The following PTPRN2 variants were observed in gnomAD, a reference collection of about 807,000 sequenced individuals.
The protein encoded by PTPRN2 is protein tyrosine phosphatase receptor type N2, also known as receptor-type tyrosine-protein phosphatase N2.
A neutral mutation model predicts 118.8 loss-of-function variants in PTPRN2; 74 were observed. The observed-to-expected ratio is 0.62, with a 90% confidence interval of 0.52 to 0.76. PTPRN2 has a LOEUF of 0.76. Among genes scored for constraint, PTPRN2 ranks in the 30% least tolerant of loss-of-function variants. The pLI, the probability that PTPRN2 is intolerant of heterozygous loss-of-function variation, is 0.00. For synonymous variants in PTPRN2, 641 were observed against 608.0 expected (o/e 1.05, Z -0.80); for missense variants, 1,481 against 1,394.4 (o/e 1.06, Z -0.99).
intron 14 of PTPRN2, among the ~76,000 whole-genome samples, chr7:157,626,261 G>C (rs1246619225): frequency 6.6e-6 from 1 of 152,086 alleles, no homozygotes; most frequent in Admixed American, 6.6e-5. Flanking sequence ...GGCGTTTCTG[G>C]TGCAAAATAT....
At chr7:158,293,098 A>T (rs1434508304) in intron 3 of PTPRN2, among the ~76,000 whole-genome samples, 1 of 152,098 alleles carries the variant, frequency 6.6e-6, no homozygotes, top group Non-Finnish European at 1.5e-5. Flanking sequence ...GCAGCTATAT[A>T]GAGCACTGAC....
At chr7:157,885,972 G>A (rs1395469415) in intron 12 of PTPRN2, among the ~76,000 whole-genome samples, 2 of 152,252 alleles carry the variant, frequency 1.3e-5, no homozygotes, top group African/African-American at 2.4e-5. Context: ...CTGCCACTGT[G>A]CTGCTGCCGT....
intron 4 of PTPRN2, among the ~76,000 whole-genome samples, chr7:158,202,826 G>T (rs1344067541): frequency 6.6e-6 from 1 of 152,186 alleles, no homozygotes; most frequent in Non-Finnish European, 1.5e-5. Context: ...AATATAATAT[G>T]TGAAAAGTTA....
intron 2 of PTPRN2, among the ~76,000 whole-genome samples, chr7:158,354,911 C>A (rs10246642): frequency 6.6e-6 from 1 of 152,070 alleles, no homozygotes; most frequent in Non-Finnish European, 1.5e-5. Flanking sequence ...AAAGAGAAGA[C>A]CCCAAAGGAA....
rs559636622 is a variant in PTPRN2, at chr7:157,602,690, C to T, written c.2418+1312G>A. Among the ~76,000 whole-genome samples, 8 of 149,956 alleles carry T rather than the reference C, an allele frequency of 5.3e-5. No individual in the cohort carries two copies. In the South Asian group the frequency reaches 8.5e-4, roughly 16 times the overall value. ...CTGAGCACCGTCCGTCATCAGTGGC[C>T]GCTGAGACCAGCAGAGCCGAGAGCT... is the stretch of plus-strand genomic sequence containing the variant. On this transcript the variant is annotated intron_variant, in intron 16 of 22. Coordinates refer to ENST00000389418, the MANE Select transcript of PTPRN2 (RefSeq NM_002847.5).
chr7:158,474,007 A>G (rs1820059449), intron 2 of PTPRN2, among the ~76,000 whole-genome samples: 1 of 152,116 alleles, frequency 6.6e-6, no homozygotes, highest in Non-Finnish European at 1.5e-5. Context: ...CTCCTACGTC[A>G]GTGACATTTC....
chr7:157,844,052 C>G (rs6459813), intron 12 of PTPRN2, among the ~76,000 whole-genome samples: 114,121 of 150,248 alleles, frequency 0.76, 43,425 homozygotes, highest in East Asian at 0.95. Context: ...TCCACGTCAT[C>G]GGTGTGGAAC....
At chr7:157,645,165 C>T (rs1315201668) in intron 14 of PTPRN2, among the ~76,000 whole-genome samples, 1 of 152,258 alleles carries the variant, frequency 6.6e-6, no homozygotes, top group African/African-American at 2.4e-5. Context: ...GCCACACTTG[C>T]ACTTGGCAGG....
At chr7:158,439,262 C>G (rs1030159311) in intron 2 of PTPRN2, among the ~76,000 whole-genome samples, 1 of 151,754 alleles carries the variant, frequency 6.6e-6, no homozygotes, top group African/African-American at 2.4e-5. Flanking sequence ...ACCTCCTGCG[C>G]ATGCCTCAGC....
At chr7:157,637,958 T>C (rs1336268233) in intron 14 of PTPRN2, among the ~76,000 whole-genome samples, 3 of 152,264 alleles carry the variant, frequency 2.0e-5, no homozygotes, top group Non-Finnish European at 4.4e-5. Flanking sequence ...TCTTCTTCCA[T>C]AAGCAGAGGA....
At chr7:157,932,280 G>A (rs994266497) in intron 11 of PTPRN2, among the ~76,000 whole-genome samples, 3 of 152,168 alleles carry the variant, frequency 2.0e-5, no homozygotes, top group South Asian at 2.1e-4. Flanking sequence ...GAACTTACAC[G>A]ATTTGTCTAC....
At chr7:157,992,632 A>G (rs1000761737) in intron 11 of PTPRN2, among the ~76,000 whole-genome samples, 3 of 152,286 alleles carry the variant, frequency 2.0e-5, no homozygotes, top group African/African-American at 4.8e-5. Flanking sequence ...AGTGCACACA[A>G]GCCTTTATCT....
chr7:157,609,307 C>T lies in PTPRN2; in HGVS notation c.2345-5232G>A, dbSNP rs189204750. 5.9e-5 allele frequency among the ~76,000 whole-genome samples: 9 copies of T among 152,174 alleles called. No individual in the cohort carries two copies. The highest frequency in any genetic ancestry group is 1.2e-4 in the African/African-American group (5 of 41,522). ...CTGAGGCAGGAGAATTGCTTGAACC[C>T]GGGAGGCAGAGGTTGCAGTGAGCTG... On this transcript the variant is annotated intron_variant, in intron 15 of 22. Transcript: ENST00000389418. The surrounding 1 kb of genome is among the most constrained non-coding windows in gnomAD (Gnocchi z 4.9).
At chr7:157,938,866 G>A (rs1180277469) in intron 11 of PTPRN2, among the ~76,000 whole-genome samples, 2 of 152,206 alleles carry the variant, frequency 1.3e-5, no homozygotes, top group African/African-American at 2.4e-5. Flanking sequence ...GTGGCCCACA[G>A]AAAACAACCT....
At position 157,571,453 on chromosome 7, in the gene PTPRN2, T is replaced by G; in HGVS notation, c.2824A>C (p.Ile942Leu). The G allele has an allele frequency of 6.2e-7, 1 of 1,609,682 alleles. No individual in the cohort carries two copies. Among genetic ancestry groups the G allele is most frequent in the Non-Finnish European group, 8.5e-7 (1 of 1,177,908 alleles). Residue 942 changes from isoleucine (I) to leucine (L), a missense_variant, in exon 20 of 23, where the codon ATT becomes CTT. Ile to Leu is a conservative substitution (Grantham distance 5, BLOSUM62 2). Coordinates refer to ENST00000389418, the MANE Select transcript of PTPRN2 (RefSeq NM_002847.5). ...KCYRGRSCPI[I>L]VHCSDGAGRS... ...AGTTGTACTTGCCTGCAATGAACAA[T>G]TATTGGACAAGAACGGCCCCTGTAG...
At position 157,764,551 on chromosome 7, in the gene PTPRN2, A is replaced by C. The variant is rs1417782961; in HGVS notation, c.1789-81614T>G. 6.6e-6 allele frequency among the ~76,000 whole-genome samples: 1 copy of C among 152,206 alleles called. No homozygotes were observed. Among genetic ancestry groups the C allele is most frequent in the Non-Finnish European group, 1.5e-5 (1 of 68,032 alleles). ...CATCAGATCCATAGAGACAGAATGT[A>C]GGACAGTGGGTCCTGGGGGCTGGGG... On this transcript the variant is annotated intron_variant, in intron 12 of 22. Transcript: ENST00000389418. This position sits in a 1 kb window ranked among gnomAD's most constrained non-coding sequence, Gnocchi z 4.5.
At chr7:157,761,331 A>T (rs571589816) in intron 12 of PTPRN2, among the ~76,000 whole-genome samples, 4 of 149,930 alleles carry the variant, frequency 2.7e-5, no homozygotes, top group Non-Finnish European at 6.0e-5. Flanking sequence ...GAGGCATCAC[A>T]CTACCTGACT....
intron 12 of PTPRN2, among the ~76,000 whole-genome samples, chr7:157,858,655 C>T (rs867818983): frequency 4.5e-3 from 12 of 2,678 alleles, no homozygotes; most frequent in African/African-American, 0.022. Context: ...AGGGAGAGCC[C>T]CCCAGCTACC....
chr7:158,390,818 C>T (rs545942025), intron 2 of PTPRN2, among the ~76,000 whole-genome samples: 4 of 152,294 alleles, frequency 2.6e-5, no homozygotes, highest in Admixed American at 6.5e-5. Context: ...TCTCAAAATG[C>T]GAAGCTCAAG....
Sources: allele counts gnomAD v4.1 joint callset (sites outside exome capture counted in the v4.1 genomes callset), GRCh38; gene constraint gnomAD v4.1.1; non-coding constraint Gnocchi (gnomAD v3.1); transcripts MANE v1.5; gene names NCBI Gene and HGNC (gene_info 2026-07-23, HGNC 2026-07-21).